DOCK1: variants seen among roughly 807,000 people sequenced by gnomAD.
DOCK1 encodes the protein dedicator of cytokinesis 1, also known as dedicator of cytokinesis protein 1.
A neutral mutation model predicts 262.7 loss-of-function variants in DOCK1; 138 were observed. The ratio of observed to expected loss-of-function variants is 0.53; its 90% confidence interval spans 0.46 to 0.61. The LOEUF is 0.61. Ranked by LOEUF, DOCK1 falls within the 20% of genes least tolerant of loss-of-function variation. The pLI is 0.00. For synonymous variants in DOCK1, 866 were observed against 867.4 expected (o/e 1.00, Z 0.03); for missense variants, 1,908 against 2,370.7 (o/e 0.80, Z 4.05).
intron 27 of DOCK1, among the ~76,000 whole-genome samples, chr10:127,166,769 C>T (rs977971279): frequency 2.6e-5 from 4 of 152,030 alleles, no homozygotes; most frequent in African/African-American, 9.7e-5. Context: ...TTAGAACTTG[C>T]ATTTCATTTT....
chr10:127,076,982 A>G (rs1293746725), intron 23 of DOCK1, among the ~76,000 whole-genome samples: 1 of 152,176 alleles, frequency 6.6e-6, no homozygotes, highest in African/African-American at 2.4e-5. Flanking sequence ...GAAGCCCTTG[A>G]GAGTGTGGTG....
intron 23 of DOCK1, among the ~76,000 whole-genome samples, chr10:127,078,047 G>A (rs762603891): frequency 5.9e-5 from 9 of 152,114 alleles, no homozygotes; most frequent in South Asian, 2.1e-4. Context: ...GAATTTGGAC[G>A]AGGAGGTGCT....
chr10:127,384,478 G>C (rs2065993953), intron 37 of DOCK1, among the ~76,000 whole-genome samples: 2 of 152,228 alleles, frequency 1.3e-5, no homozygotes, highest in Admixed American at 6.5e-5. Flanking sequence ...GATGGCCCTG[G>C]ATCACCTGGC....
intron 27 of DOCK1, among the ~76,000 whole-genome samples, chr10:127,200,074 G>T (rs1589913772): frequency 6.6e-6 from 1 of 152,286 alleles, no homozygotes; most frequent in East Asian, 1.9e-4. Context: ...ATGTCGCTGT[G>T]ACAGAGCTCG....
intron 1 of DOCK1, among the ~76,000 whole-genome samples, chr10:126,968,811 A>G (rs1003319538): frequency 2.0e-5 from 3 of 152,202 alleles, no homozygotes; most frequent in African/African-American, 7.2e-5. Context: ...CACCTGATGC[A>G]GTTATTTCTT....
intron 27 of DOCK1, among the ~76,000 whole-genome samples, chr10:127,226,073 C>T (rs967887837): frequency 7.5e-6 from 1 of 133,208 alleles, no homozygotes; most frequent in African/African-American, 2.9e-5. Flanking sequence ...GCGAGAGACT[C>T]TGTCTCAAAA....
Position 127,418,535 on chromosome 10 carries a change from C to T in DOCK1, c.4686C>T (p.Tyr1562=), listed in dbSNP as rs2296626. 3.4e-5 allele frequency: 55 copies of T among 1,613,016 alleles called. No individual in the cohort carries two copies. The highest frequency in any genetic ancestry group is 6.7e-5 in the African/African-American group (5 of 75,052). The change falls in exon 45 of 52, where the codon TAC becomes TAT. Residue 1562 remains tyrosine (Y), a synonymous_variant. Transcript: ENST00000623213. ...DPAVMGGFAN[Y]EKAFFTDRYL... is the part of the protein sequence containing the mutation. Reference sequence around the variant, plus strand: ...CTGTCATGGGGGGCTTCGCAAACTACGAAAAGGTACGGGACCCACCAGCTT... The same window carrying T: ...CTGTCATGGGGGGCTTCGCAAACTATGAAAAGGTACGGGACCCACCAGCTT...
chr10:127,416,248 A>G (rs1029859731), intron 44 of DOCK1, among the ~76,000 whole-genome samples: 17 of 152,224 alleles, frequency 1.1e-4, no homozygotes, highest in African/African-American at 1.7e-4. Flanking sequence ...TGCCCCTAGC[A>G]GCCAGGCAGT....
At chr10:127,206,136 C>CTTTTTTTTTTTTTTTTTTTTTT (rs34450374) in intron 27 of DOCK1, among the ~76,000 whole-genome samples, 1 of 78,622 alleles carries the variant, frequency 1.3e-5, no homozygotes. Context: ...TTCTTCTTCT[C>CTTTTTTTTTTTTTTTTTTTTTT]TTTTTTTTTT....
At chr10:127,357,059 G>A (rs558675501) in intron 32 of DOCK1, among the ~76,000 whole-genome samples, 13 of 151,932 alleles carry the variant, frequency 8.6e-5, no homozygotes, top group African/African-American at 2.4e-4. Flanking sequence ...CCTTCTCCCC[G>A]TACACAACTG....
At chr10:127,195,211 C>T (rs1186578602) in intron 27 of DOCK1, among the ~76,000 whole-genome samples, 1 of 152,184 alleles carries the variant, frequency 6.6e-6, no homozygotes, top group Non-Finnish European at 1.5e-5. Flanking sequence ...TGCAGACTCT[C>T]GCTCTTGACT....
chr10:127,022,528 G>C (rs2042509816), intron 13 of DOCK1, among the ~76,000 whole-genome samples: 1 of 151,934 alleles, frequency 6.6e-6, no homozygotes. Flanking sequence ...GAGTAGCTGG[G>C]ATTACAGGCC....
rs1405904522 is a variant in DOCK1 at position 127,402,827 on chromosome 10, CG to C, written c.3928-227del. The C allele has an allele frequency of 7.8e-6, 5 of 639,838 alleles. No homozygotes were observed. In the African/African-American group the frequency reaches 9.0e-5, roughly 12 times the overall value. The allele number at this position is 639,838 out of a possible 1,614,324, so 39.6% of individuals were successfully genotyped here. On this transcript the variant is annotated intron_variant, in intron 38 of 51. Coordinates refer to ENST00000623213, the MANE Select transcript of DOCK1 (RefSeq NM_001290223.2). ...TGCTGTTACCATGGCCAGAGGCCTGCGTGATTGACATGCCAGTGATTGACCT... is the reference window on the plus strand; with the variant it reads ...TGCTGTTACCATGGCCAGAGGCCTGCTGATTGACATGCCAGTGATTGACCT...
At chr10:127,014,530 G>A (rs369389611) in intron 12 of DOCK1, among the ~76,000 whole-genome samples, 10 of 152,196 alleles carry the variant, frequency 6.6e-5, no homozygotes, top group East Asian at 3.9e-4. Context: ...AATATTAAGT[G>A]TTAAGTGTTC....
At chr10:126,923,125 A>C (rs1053808170) in intron 1 of DOCK1, among the ~76,000 whole-genome samples, 1 of 152,148 alleles carries the variant, frequency 6.6e-6, no homozygotes, top group African/African-American at 2.4e-5. Flanking sequence ...ATAAAATAGA[A>C]TAAAAGATGG....
At chr10:127,101,547 G>A (rs777135305) in intron 23 of DOCK1, among the ~76,000 whole-genome samples, 4 of 152,178 alleles carry the variant, frequency 2.6e-5, no homozygotes, top group Non-Finnish European at 5.9e-5. Flanking sequence ...CCATGTCCCC[G>A]CCTCAGGGGG....
At chr10:127,285,720 A>G (rs1316013308) in intron 29 of DOCK1, among the ~76,000 whole-genome samples, 5 of 152,322 alleles carry the variant, frequency 3.3e-5, no homozygotes, top group African/African-American at 9.6e-5. Flanking sequence ...GGTAGTCCCT[A>G]TGGAGCTGCT....
At position 127,100,918 on chromosome 10, in the gene DOCK1, G is replaced by A. The variant is rs2048201625; in HGVS notation, c.2446-5313G>A. Among the ~76,000 whole-genome samples the A allele has an allele frequency of 6.6e-6, 1 of 152,122 alleles. No homozygotes were observed. Among genetic ancestry groups the A allele is most frequent in the Non-Finnish European group, 1.5e-5 (1 of 68,018 alleles). ...CTGTGGGGTATTGTCCGATGGAGCA[G>A]AGGCTCGCAGGGCCTGGGGCTGCTT... is the stretch of plus-strand genomic sequence containing the variant. On this transcript the variant is annotated intron_variant, in intron 23 of 51. Transcript: ENST00000623213. The surrounding 1 kb of genome is among the most constrained non-coding windows in gnomAD (Gnocchi z 5.5).
At chr10:127,164,523 C>T (rs1358873707) in intron 27 of DOCK1, among the ~76,000 whole-genome samples, 1 of 152,028 alleles carries the variant, frequency 6.6e-6, no homozygotes, top group Non-Finnish European at 1.5e-5. Context: ...TAGCCCTGTC[C>T]CAGCAACTTG....
Sources: gnomAD v4.1 joint callset for allele counts (sites outside exome capture counted in the v4.1 genomes callset) on GRCh38, gnomAD v4.1.1 for gene constraint, Gnocchi (gnomAD v3.1) non-coding constraint, MANE v1.5 for transcripts, NCBI Gene and HGNC (gene_info 2026-07-23, HGNC 2026-07-21) for gene names.